RBFOX1: variants seen among roughly 807,000 people sequenced by gnomAD.
RBFOX1 encodes RNA binding protein fox-1 homolog 1.
Under a neutral mutation model 57.7 loss-of-function variants are expected in RBFOX1, and 8 were observed. The ratio of observed to expected loss-of-function variants is 0.14; its 90% CI spans 0.08 to 0.25. The LOEUF is 0.25. Among genes scored for constraint, RBFOX1 ranks in the 10% least tolerant of loss-of-function variants. RBFOX1 has a pLI of 1.00. For missense variants in RBFOX1, 611 were observed against 548.5 expected (o/e 1.11, Z -1.14); for synonymous variants, 326 against 222.4 (o/e 1.47, Z -4.15).
At chr16:5,629,274 A>G (rs1018260346) in intron 3 of RBFOX1, among the ~76,000 whole-genome samples, 1 of 152,212 alleles carries the variant, frequency 6.6e-6, no homozygotes, top group Non-Finnish European at 1.5e-5. Flanking sequence ...ATGTACCAGT[A>G]TGATGTTCAA....
intron 3 of RBFOX1, among the ~76,000 whole-genome samples, chr16:6,755,812 G>C (rs1271250140): frequency 6.6e-6 from 1 of 152,044 alleles, no homozygotes; most frequent in African/African-American, 2.4e-5. Flanking sequence ...CCTATTTGGA[G>C]CGATTATACT....
At chr16:6,608,328 C>T (rs973873425) in intron 2 of RBFOX1, among the ~76,000 whole-genome samples, 5 of 152,214 alleles carry the variant, frequency 3.3e-5, no homozygotes, top group South Asian at 4.2e-4. Context: ...ATCTTTTGAG[C>T]CAGAAAGACT....
At chr16:5,883,737 TA>T (rs1439979162) in intron 4 of RBFOX1, among the ~76,000 whole-genome samples, 1 of 152,112 alleles carries the variant, frequency 6.6e-6, no homozygotes, top group South Asian at 2.1e-4. Flanking sequence ...GTGATTTTTT[TA>T]AAAAAAATCA....
At chr16:7,417,374 A>G (rs1055934435) in intron 4 of RBFOX1, among the ~76,000 whole-genome samples, 6 of 148,036 alleles carry the variant, frequency 4.1e-5, no homozygotes, top group African/African-American at 1.5e-4. Flanking sequence ...CTCTGTGTCA[A>G]AGAAAAAAAA....
At chr16:6,930,759 GCCACTTGATCCT>G (rs1331647961) in intron 3 of RBFOX1, among the ~76,000 whole-genome samples, 1 of 151,950 alleles carries the variant, frequency 6.6e-6, no homozygotes, top group Non-Finnish European at 1.5e-5. Context: ...ATGTTTATTG[GCCACTTGATCCT>G]CCCTCAGAGA....
At chr16:6,333,975 T>G (rs111262802) in intron 2 of RBFOX1, among the ~76,000 whole-genome samples, 8 of 152,272 alleles carry the variant, frequency 5.3e-5, no homozygotes, top group African/African-American at 1.9e-4. Flanking sequence ...TGAATTAAAA[T>G]TATTTCTTTT....
In RBFOX1 at chr16:5,287,657, A is replaced by G. The variant is rs186237598; in HGVS notation, c.219+47552A>G. Among the ~76,000 whole-genome samples the G allele has an allele frequency of 8.0e-4, 122 of 152,296 alleles. 2 individuals are homozygous for G. In the East Asian group the frequency reaches 0.021, roughly 27 times the overall value. On this transcript the variant is annotated intron_variant, in intron 1 of 2. Transcript: ENST00000585867. ...CTCTACTTTGCTCTTGGTGTCTCTT[A>G]TCTTCCGCTGGAAGCTGCAGGCTGG...
At chr16:7,403,613 C>G (rs1216807392) in intron 4 of RBFOX1, among the ~76,000 whole-genome samples, 8 of 136,758 alleles carry the variant, frequency 5.8e-5, no homozygotes, top group Non-Finnish European at 1.3e-4. Flanking sequence ...ATGGCACAAT[C>G]TCAGGTCAGG....
At chr16:7,535,898 CATTT>C (rs1387137024) in intron 5 of RBFOX1, among the ~76,000 whole-genome samples, 1 of 152,170 alleles carries the variant, frequency 6.6e-6, no homozygotes, top group Non-Finnish European at 1.5e-5. Flanking sequence ...GTGTATTGTT[CATTT>C]ATTCCTGAAT....
chr16:6,863,724 G>A (rs1476853533), intron 3 of RBFOX1, among the ~76,000 whole-genome samples: 2 of 32,158 alleles, frequency 6.2e-5, no homozygotes, highest in Middle Eastern at 0.024. Context: ...GGATGCCTGC[G>A]CTTTTTTTTT....
rs71147700 is a variant in RBFOX1 at position 7,448,927 on chromosome 16, G to GT, written c.28-69201dup. ...CTTGGTAGACATTTTTCTTTCCCCT[G>GT]TTTTTTTTTTTTTTTTTTTGAGATG... On this transcript the variant is annotated intron_variant, in intron 4 of 15. Coordinates refer to ENST00000550418, the MANE Select transcript of RBFOX1 (RefSeq NM_018723.4). Among the ~76,000 whole-genome samples, 71 of 82,978 alleles carry GT rather than the reference G, an allele frequency of 8.6e-4. 1 individual carries two copies. The highest frequency in any genetic ancestry group is 1.4e-3 in the African/African-American group (30 of 21,846). The allele number at this position is 82,978 out of a possible 152,430, so 54.4% of individuals were successfully genotyped here. A position where few individuals can be genotyped will look rare whatever the true frequency, so the allele number is the denominator to read the frequency against.
intron 4 of RBFOX1, among the ~76,000 whole-genome samples, chr16:7,237,660 G>C (rs2093838036): frequency 6.6e-6 from 1 of 152,156 alleles, no homozygotes; most frequent in Non-Finnish European, 1.5e-5. Context: ...CACAGACAAG[G>C]GAATAAACAA....
At chr16:7,023,627 T>G (rs1398023483) in intron 3 of RBFOX1, among the ~76,000 whole-genome samples, 1 of 145,864 alleles carries the variant, frequency 6.9e-6, no homozygotes, top group Non-Finnish European at 1.5e-5. Flanking sequence ...GACTATAATT[T>G]CAGCACTGGG....
intron 4 of RBFOX1, among the ~76,000 whole-genome samples, chr16:7,338,713 T>C (rs928963020): frequency 2.6e-5 from 4 of 152,210 alleles, no homozygotes; most frequent in African/African-American, 4.8e-5. Flanking sequence ...CAATGCAAAT[T>C]ATAGAAACAT....
intron 1 of RBFOX1, among the ~76,000 whole-genome samples, chr16:6,271,645 A>G (rs1178390722): frequency 2.6e-5 from 4 of 152,198 alleles, no homozygotes; most frequent in Admixed American, 6.5e-5. Flanking sequence ...AGATGTCAAA[A>G]AGGTAGTAAG....
chr16:7,646,857 T>A (rs1266762549), intron 11 of RBFOX1, among the ~76,000 whole-genome samples: 2 of 152,104 alleles, frequency 1.3e-5, no homozygotes, highest in Non-Finnish European at 2.9e-5. Context: ...TTTTCGAAGG[T>A]AAGCACCATG....
At chr16:6,182,961 C>G (rs759587572) in intron 1 of RBFOX1, among the ~76,000 whole-genome samples, 4 of 151,830 alleles carry the variant, frequency 2.6e-5, no homozygotes, top group African/African-American at 7.3e-5. Context: ...TAGTATGGGG[C>G]GAAGGATGAA....
chr16:7,005,735 G>A (rs564681947), intron 3 of RBFOX1, among the ~76,000 whole-genome samples: 1 of 152,188 alleles, frequency 6.6e-6, no homozygotes, highest in African/African-American at 2.4e-5. Context: ...ACCGCTAGGT[G>A]ATCATGTCTG....
At chr16:7,633,507 A>G (rs57050061) in intron 11 of RBFOX1, among the ~76,000 whole-genome samples, 19 of 152,216 alleles carry the variant, frequency 1.2e-4, no homozygotes, top group African/African-American at 4.6e-4. Context: ...GGTTCATAGC[A>G]ATTTTTTTTC....
Sources: allele counts gnomAD v4.1 joint callset (sites outside exome capture counted in the v4.1 genomes callset), GRCh38; gene constraint gnomAD v4.1.1; transcripts MANE v1.5; gene names NCBI Gene and HGNC (gene_info 2026-07-23, HGNC 2026-07-21).